NDST3: variants seen among roughly 807,000 people sequenced by gnomAD.
The protein encoded by NDST3 is N-deacetylase and N-sulfotransferase 3, also known as bifunctional heparan sulfate N-deacetylase/N-sulfotransferase 3.
In NDST3, 58 loss-of-function variants were observed where a neutral mutation model predicts 96.1. That is an observed-to-expected ratio of 0.60 (90% confidence interval 0.49 to 0.75). NDST3 has a LOEUF of 0.75. Among genes scored for constraint, NDST3 ranks in the 30% least tolerant of loss-of-function variants. The pLI is 0.00. For synonymous variants in NDST3, 333 were observed against 359.7 expected (o/e 0.93, Z 0.84); for missense variants, 788 against 1,034.2 (o/e 0.76, Z 3.27).
At chr4:118,120,050 A>G (rs748500224) in intron 4 of NDST3, among the ~76,000 whole-genome samples, 34 of 152,302 alleles carry the variant, frequency 2.2e-4, no homozygotes, top group Non-Finnish European at 1.3e-4. Flanking sequence ...GAGTTCTTCC[A>G]ATCTAGATAA....
At chr4:118,177,419 G>C (rs1736344368) in intron 6 of NDST3, among the ~76,000 whole-genome samples, 1 of 151,952 alleles carries the variant, frequency 6.6e-6, no homozygotes, top group Admixed American at 6.6e-5. Flanking sequence ...GTTTTTTCTT[G>C]TCTTTGATGA....
intron 2 of NDST3, among the ~76,000 whole-genome samples, chr4:118,083,951 C>T (rs752233217): frequency 4.6e-5 from 7 of 152,152 alleles, no homozygotes; most frequent in Non-Finnish European, 7.3e-5. Context: ...ATCCTCTCTA[C>T]TCTGTAGACT....
intron 6 of NDST3, among the ~76,000 whole-genome samples, chr4:118,218,973 A>C: frequency 6.6e-6 from 1 of 152,052 alleles, no homozygotes. Context: ...ATACCTAGGA[A>C]TACAACTTAC....
At chr4:118,197,315 C>G (rs1737760426) in intron 6 of NDST3, among the ~76,000 whole-genome samples, 1 of 119,298 alleles carries the variant, frequency 8.4e-6, no homozygotes, top group African/African-American at 3.1e-5. Flanking sequence ...GTGTATTCTG[C>G]AGTCTTTGAA....
intron 2 of NDST3, among the ~76,000 whole-genome samples, chr4:118,066,582 ATAACATG>A: frequency 1.6e-5 from 1 of 62,216 alleles, no homozygotes. Context: ...TACATTATAT[ATAACATG>A]TTATATATTA....
chr4:118,165,700 A>T (rs1560691670), intron 6 of NDST3, among the ~76,000 whole-genome samples: 1 of 152,038 alleles, frequency 6.6e-6, no homozygotes, highest in African/African-American at 2.4e-5. Context: ...GAACATTGAT[A>T]TCATACCAAG....
chr4:118,067,292 T>G lies in NDST3; in HGVS notation c.981+12401T>G, dbSNP rs561172804. Among the ~76,000 whole-genome samples, 7 of 152,114 alleles carry G rather than the reference T, an allele frequency of 4.6e-5. No homozygotes were observed. The South Asian group carries it at 1.5e-3, about 32-fold the overall frequency. On this transcript the variant is annotated intron_variant, in intron 2 of 13. Coordinates refer to ENST00000296499, the MANE Select transcript of NDST3 (RefSeq NM_004784.3). ...GTGTGATTGCTTTAAAAAAGTAAGT[T>G]AGGTTAATATTCAAAGGATCTCGAC...
intron 3 of NDST3, among the ~76,000 whole-genome samples, chr4:118,107,216 G>C (rs1414185096): frequency 2.0e-5 from 3 of 151,820 alleles, no homozygotes; most frequent in African/African-American, 7.3e-5. Context: ...ATGTAACTGT[G>C]GACTCTCATT....
At chr4:118,061,362 C>T (rs564205061) in intron 2 of NDST3, among the ~76,000 whole-genome samples, 2 of 152,222 alleles carry the variant, frequency 1.3e-5, no homozygotes, top group African/African-American at 2.4e-5. Flanking sequence ...CCATCTTTCC[C>T]TGAGAGTGTT....
intron 6 of NDST3, among the ~76,000 whole-genome samples, chr4:118,222,659 A>C (rs530653256): frequency 1.3e-5 from 2 of 152,166 alleles, no homozygotes; most frequent in South Asian, 4.1e-4. Flanking sequence ...TTTCTTTTAC[A>C]GGACTAAGTT....
chr4:118,099,109 T>A (rs1354060339), intron 2 of NDST3, among the ~76,000 whole-genome samples: 1 of 151,996 alleles, frequency 6.6e-6, no homozygotes, highest in African/African-American at 2.4e-5. Context: ...AACCTGGGAG[T>A]TACATATTGT....
intron 6 of NDST3, among the ~76,000 whole-genome samples, chr4:118,200,842 T>C (rs766866593): frequency 6.6e-6 from 1 of 152,134 alleles, no homozygotes; most frequent in Non-Finnish European, 1.5e-5. Flanking sequence ...ATTTGTTACA[T>C]AGGAATATTG....
chr4:118,121,838 A>AT (rs1355020038), intron 4 of NDST3, among the ~76,000 whole-genome samples: 1 of 152,184 alleles, frequency 6.6e-6, no homozygotes, highest in Non-Finnish European at 1.5e-5. Flanking sequence ...CCTCTTACCC[A>AT]TATCTACAGT....
At position 118,257,018 on chromosome 4, in the gene NDST3, A is replaced by C. The variant is rs1742159565; in HGVS notation, c.*1306A>C. 1 of 152,216 alleles carries C rather than the reference A, an allele frequency of 6.6e-6. No homozygotes were observed. The highest frequency in any genetic ancestry group is 1.5e-5 in the Non-Finnish European group (1 of 68,034). The allele number at this position is 152,216 out of a possible 1,614,324, so 9.4% of individuals were successfully genotyped here. ...TAAATTAAATGCAGGAAGTACAAAG[A>C]TGAGCAAGTCATGCTCTTGAAATAT... is the stretch of plus-strand genomic sequence containing the variant. On this transcript the variant is annotated 3_prime_UTR_variant, in exon 14 of 14. Coordinates refer to ENST00000296499, the MANE Select transcript of NDST3 (RefSeq NM_004784.3).
rs1472153777 is a variant in NDST3, at chr4:118,204,622, A to T, written c.1540-19869A>T. Reference sequence around the variant, plus strand: ...TAAACTTCCATTGAGGTTACTGTTCACTATGTACAGAGAAATCTTTATGCC... The same window carrying T: ...TAAACTTCCATTGAGGTTACTGTTCTCTATGTACAGAGAAATCTTTATGCC... On this transcript the variant is annotated intron_variant, in intron 6 of 13. Coordinates refer to ENST00000296499, the MANE Select transcript of NDST3 (RefSeq NM_004784.3). Among the ~76,000 whole-genome samples, 2 of 144,732 alleles carry T rather than the reference A, an allele frequency of 1.4e-5. 1 individual carries two copies. The highest frequency in any genetic ancestry group is 5.1e-5 in the African/African-American group (2 of 39,172). 94.9% of individuals were successfully genotyped at this position (144,732 alleles called of 152,430 possible).
At position 118,084,428 on chromosome 4, in the gene NDST3, A is replaced by C. The variant is rs75627094; in HGVS notation, c.982-20590A>C. 4.8e-3 allele frequency among the ~76,000 whole-genome samples: 726 copies of C among 152,258 alleles called. 7 individuals carry two copies. The highest frequency in any genetic ancestry group is 0.017 in the African/African-American group (695 of 41,560). ...GGCCCAAATGCCCCTTTTTGTACCA[A>C]AGCCTATTTCTGGATCCATAGGCTC... On this transcript the variant is annotated intron_variant, in intron 2 of 13. Transcript: ENST00000296499.
chr4:118,231,267 C>G (rs1740271178), intron 8 of NDST3, among the ~76,000 whole-genome samples: 1 of 151,456 alleles, frequency 6.6e-6, no homozygotes, highest in South Asian at 2.1e-4. Flanking sequence ...GCCCAGGAGG[C>G]AGAGGTTGCA....
chr4:118,176,531 G>A (rs531708964), intron 6 of NDST3, among the ~76,000 whole-genome samples: 47 of 152,066 alleles, frequency 3.1e-4, no homozygotes, highest in African/African-American at 9.6e-4. Flanking sequence ...TCCATTGCAC[G>A]TGATGAGTTC....
chr4:118,169,742 C>G (rs1402520635), intron 6 of NDST3, among the ~76,000 whole-genome samples: 1 of 148,984 alleles, frequency 6.7e-6, no homozygotes, highest in Non-Finnish European at 1.5e-5. Flanking sequence ...TGCAGTCAGC[C>G]AAGATCAGGC....
Sources: gnomAD v4.1 joint callset for allele counts (sites outside exome capture counted in the v4.1 genomes callset) on GRCh38, gnomAD v4.1.1 for gene constraint, MANE v1.5 for transcripts, NCBI Gene and HGNC (gene_info 2026-07-23, HGNC 2026-07-21) for gene names.